DSCAM: variants seen among roughly 807,000 people sequenced by gnomAD.
DSCAM encodes DS cell adhesion molecule, also known as cell adhesion molecule DSCAM.
In DSCAM, 47 loss-of-function variants were observed where a neutral mutation model predicts 217.7. The observed-to-expected ratio is 0.22, with a 90% CI of 0.17 to 0.28. DSCAM has a LOEUF of 0.28. Among genes scored for constraint, DSCAM ranks in the 10% least tolerant of loss-of-function variants. DSCAM has a pLI of 1.00. For synonymous variants in DSCAM, 1,056 were observed against 1,015.3 expected, an observed-to-expected ratio of 1.04 and a Z score of -0.76; for missense variants, 2,080 against 2,618.3, an observed-to-expected ratio of 0.79 and a Z score of 4.49.
intron 3 of DSCAM, among the ~76,000 whole-genome samples, chr21:40,504,143 T>C (rs917207421): frequency 6.6e-6 from 1 of 150,556 alleles, no homozygotes; most frequent in African/African-American, 2.4e-5. Context: ...GCTTAGAACA[T>C]TGAAGGAAAG....
At chr21:40,670,295 C>A (rs761063835) in intron 3 of DSCAM, among the ~76,000 whole-genome samples, 1 of 152,162 alleles carries the variant, frequency 6.6e-6, no homozygotes, top group Non-Finnish European at 1.5e-5. Context: ...TGGTAACCAC[C>A]GTTCTAACTT....
rs1455082398 is a variant in DSCAM at position 40,295,066 on chromosome 21, GA to G, written c.2182+988del. 3.3e-5 allele frequency among the ~76,000 whole-genome samples: 5 copies of G among 151,886 alleles called. No homozygotes were observed. In the East Asian group the frequency reaches 9.7e-4, roughly 30 times the overall value. ...TTGGTCATTGTTGCTTCCATAATGA[GA>G]AAATGCAACATGCTATTTTAAAAAA... On this transcript the variant is annotated intron_variant, in intron 10 of 32. Transcript: ENST00000400454.
At chr21:40,748,900 C>T (rs1180702792) in intron 1 of DSCAM, among the ~76,000 whole-genome samples, 1 of 151,984 alleles carries the variant, frequency 6.6e-6, no homozygotes, top group Non-Finnish European at 1.5e-5. Context: ...ATGAATGTGA[C>T]AAAATACAGA....
At chr21:40,817,312 A>G (rs1171857969) in intron 1 of DSCAM, among the ~76,000 whole-genome samples, 7 of 152,124 alleles carry the variant, frequency 4.6e-5, no homozygotes, top group East Asian at 1.9e-4. Flanking sequence ...TGCAAATCAG[A>G]TCGCTTGTTT....
chr21:40,106,546 T>A (rs146714492), intron 20 of DSCAM, among the ~76,000 whole-genome samples: 2,793 of 152,296 alleles, frequency 0.018, 81 homozygotes, highest in African/African-American at 0.057. Context: ...ATAGGAATGG[T>A]ACCAGCTCTT....
At chr21:40,742,770 G>GTCA (rs1462244019) in intron 1 of DSCAM, among the ~76,000 whole-genome samples, 1 of 152,080 alleles carries the variant, frequency 6.6e-6, no homozygotes. Context: ...GTTTGAGATT[G>GTCA]TCATCATCAT....
chr21:40,710,273 C>T (rs2090765324), intron 1 of DSCAM, among the ~76,000 whole-genome samples: 1 of 151,960 alleles, frequency 6.6e-6, no homozygotes, highest in Non-Finnish European at 1.5e-5. Context: ...CAACAATACA[C>T]TTTTATTTAA....
intron 3 of DSCAM, among the ~76,000 whole-genome samples, chr21:40,423,457 G>A (rs971011528): frequency 1.3e-5 from 2 of 152,200 alleles, no homozygotes; most frequent in African/African-American, 4.8e-5. Flanking sequence ...CATGCGGGAA[G>A]CTCGTCCTAA....
chr21:40,679,402 T>A (rs2146419393), intron 3 of DSCAM, among the ~76,000 whole-genome samples: 1 of 152,328 alleles, frequency 6.6e-6, no homozygotes, highest in African/African-American at 2.4e-5. Flanking sequence ...AATCTCTATC[T>A]TCTAGAGAGG....
At chr21:40,519,909 A>T (rs1293272912) in intron 3 of DSCAM, among the ~76,000 whole-genome samples, 2 of 151,842 alleles carry the variant, frequency 1.3e-5, no homozygotes, top group African/African-American at 2.4e-5. Context: ...CCTGTTGATT[A>T]TTGGTTCTAG....
chr21:40,245,104 G>A lies in DSCAM; in HGVS notation c.2356+30993C>T, dbSNP rs547025519. 2.0e-4 allele frequency among the ~76,000 whole-genome samples: 30 copies of A among 152,326 alleles called. No homozygotes were observed. The South Asian group carries it at 5.8e-3, about 29-fold the overall frequency. On this transcript the variant is annotated intron_variant, in intron 11 of 32. Transcript: ENST00000400454. ...CCAGCCCAAGTGTCACAGAATAGCT[G>A]TGAGAGAAAATAAACAAAGAATCAC...
intron 11 of DSCAM, among the ~76,000 whole-genome samples, chr21:40,216,283 ATT>A (rs1299087764): frequency 6.7e-6 from 1 of 149,508 alleles, no homozygotes; most frequent in African/African-American, 2.5e-5. Context: ...TAAAAAAAAA[ATT>A]TTTTTTTTTT....
intron 8 of DSCAM, among the ~76,000 whole-genome samples, chr21:40,323,566 A>T (rs2074283734): frequency 6.6e-6 from 1 of 152,212 alleles, no homozygotes; most frequent in Non-Finnish European, 1.5e-5. Flanking sequence ...GTGAATTTTA[A>T]AATTGTTGCT....
At chr21:40,799,460 C>T (rs998122) in intron 1 of DSCAM, among the ~76,000 whole-genome samples, 13,677 of 152,032 alleles carry the variant, frequency 0.09, 688 homozygotes, top group African/African-American at 0.099. Flanking sequence ...AACAAATTAC[C>T]CCAAGTTTGG....
intron 11 of DSCAM, among the ~76,000 whole-genome samples, chr21:40,198,654 T>A (rs1291011905): frequency 6.6e-6 from 1 of 152,312 alleles, no homozygotes; most frequent in East Asian, 1.9e-4. Context: ...CCCCATGGAC[T>A]GGATGACCAT....
chr21:40,589,281 A>C (rs916178901), intron 3 of DSCAM, among the ~76,000 whole-genome samples: 1 of 152,348 alleles, frequency 6.6e-6, no homozygotes, highest in African/African-American at 2.4e-5. Context: ...TGAAATAATA[A>C]AAACTAATAA....
intron 11 of DSCAM, among the ~76,000 whole-genome samples, chr21:40,254,057 C>T (rs182285447): frequency 2.7e-4 from 41 of 152,212 alleles, no homozygotes; most frequent in African/African-American, 9.6e-4. Context: ...GGATCTGATA[C>T]GAACTCCAGG....
At chr21:40,735,298 G>A (rs893060209) in intron 1 of DSCAM, among the ~76,000 whole-genome samples, 4 of 152,160 alleles carry the variant, frequency 2.6e-5, no homozygotes, top group African/African-American at 7.2e-5. Flanking sequence ...AAAGATACAT[G>A]AGCAGGCAAG....
chr21:40,644,726 C>G (rs1187770457), intron 3 of DSCAM, among the ~76,000 whole-genome samples: 1 of 152,208 alleles, frequency 6.6e-6, no homozygotes, highest in East Asian at 1.9e-4. Flanking sequence ...TGTACTTTCA[C>G]TTCAGTAAAG....
Sources: allele counts gnomAD v4.1 joint callset (sites outside exome capture counted in the v4.1 genomes callset), GRCh38; gene constraint gnomAD v4.1.1; transcripts MANE v1.5; gene names NCBI Gene and HGNC (gene_info 2026-07-23, HGNC 2026-07-21).